CCSER1: variants seen among roughly 807,000 people sequenced by gnomAD.
CCSER1 encodes the protein coiled-coil serine rich protein 1.
Under a neutral mutation model 82.0 loss-of-function variants are expected in CCSER1, and 41 were observed. That is an observed-to-expected ratio of 0.50 (90% confidence interval 0.39 to 0.65). The LOEUF (loss-of-function observed/expected upper bound fraction) is 0.65, where lower values mean the gene tolerates loss of function less well. CCSER1 is among the 30% of genes least tolerant of loss of function. The probability of loss-of-function intolerance (pLI) is 0.00; values close to 1 mark genes in which losing one functional copy is unlikely to be tolerated. For synonymous variants in CCSER1, 414 were observed against 383.9 expected (o/e 1.08, Z -0.92); for missense variants, 1,119 against 1,064.2 (o/e 1.05, Z -0.72).
intron 5 of CCSER1, among the ~76,000 whole-genome samples, chr4:90,536,583 C>T (rs536189309): frequency 3.0e-4 from 45 of 152,312 alleles, no homozygotes; most frequent in African/African-American, 1.0e-3. Context: ...TGGAGTCAGT[C>T]TGTACCTTGA....
At chr4:90,457,532 G>A (rs75005430) in intron 4 of CCSER1, among the ~76,000 whole-genome samples, 319 of 152,274 alleles carry the variant, frequency 2.1e-3, no homozygotes, top group African/African-American at 7.4e-3. Flanking sequence ...GAAGTGGGTA[G>A]CTTCTTTCAA....
At chr4:91,157,775 A>G (rs943756643) in intron 10 of CCSER1, among the ~76,000 whole-genome samples, 7 of 152,022 alleles carry the variant, frequency 4.6e-5, no homozygotes, top group Admixed American at 4.6e-4. Flanking sequence ...TCCCCCTGGC[A>G]TATTAATGTT....
intron 10 of CCSER1, among the ~76,000 whole-genome samples, chr4:91,133,539 G>A (rs1448526248): frequency 1.3e-5 from 2 of 152,120 alleles, no homozygotes; most frequent in Non-Finnish European, 2.9e-5. Context: ...TGGACTTAGA[G>A]GCATTGGTAT....
chr4:90,822,653 G>A (rs940256362), intron 8 of CCSER1, among the ~76,000 whole-genome samples: 1 of 150,710 alleles, frequency 6.6e-6, no homozygotes, highest in East Asian at 2.0e-4. Flanking sequence ...GTTTGAACCT[G>A]GGAGGCGGAG....
At chr4:90,622,776 A>C (rs1377378970) in intron 5 of CCSER1, among the ~76,000 whole-genome samples, 1 of 152,116 alleles carries the variant, frequency 6.6e-6, no homozygotes, top group African/African-American at 2.4e-5. Flanking sequence ...CTTTGGGTAT[A>C]TACCCAGTAA....
intron 7 of CCSER1, among the ~76,000 whole-genome samples, chr4:90,766,032 T>A (rs1487692718): frequency 1.3e-5 from 2 of 151,680 alleles, no homozygotes; most frequent in East Asian, 3.9e-4. Context: ...TTAAAGGCAT[T>A]GTAGGAAAAA....
At chr4:90,276,691 A>G (rs541585844) in intron 1 of CCSER1, among the ~76,000 whole-genome samples, 47 of 152,250 alleles carry the variant, frequency 3.1e-4, no homozygotes, top group Admixed American at 1.2e-3. Flanking sequence ...TCTTTCATAA[A>G]TTCAGAACTG....
intron 8 of CCSER1, among the ~76,000 whole-genome samples, chr4:90,896,645 C>A (rs549731933): frequency 6.6e-6 from 1 of 151,844 alleles, no homozygotes; most frequent in South Asian, 2.1e-4. Context: ...CTAATCTAGC[C>A]AATATTTTTA....
intron 5 of CCSER1, among the ~76,000 whole-genome samples, chr4:90,602,884 G>A (rs930087889): frequency 1.4e-4 from 21 of 152,204 alleles, no homozygotes; most frequent in African/African-American, 4.8e-4. Flanking sequence ...TTATTACCCC[G>A]ATCAGGAAAC....
chr4:90,482,348 G>A (rs959972984), intron 5 of CCSER1, among the ~76,000 whole-genome samples: 28 of 151,690 alleles, frequency 1.8e-4, no homozygotes, highest in Non-Finnish European at 1.2e-4. Flanking sequence ...ATTTTTTGAA[G>A]GGCTTTTTGT....
chr4:91,489,713 AG>A (rs1758410105), intron 10 of CCSER1, among the ~76,000 whole-genome samples: 1 of 152,044 alleles, frequency 6.6e-6, no homozygotes, highest in Non-Finnish European at 1.5e-5. Context: ...ACTTGAACCC[AG>A]GAGGCAGAGG....
intron 10 of CCSER1, among the ~76,000 whole-genome samples, chr4:91,366,577 TTC>T (rs1466587479): frequency 7.2e-5 from 11 of 152,262 alleles, no homozygotes; most frequent in Admixed American, 5.2e-4. Context: ...TGTCTCTTAA[TTC>T]TCTTTCAGTA....
intron 1 of CCSER1, among the ~76,000 whole-genome samples, chr4:90,153,395 A>C (rs867103523): frequency 2.0e-4 from 31 of 152,232 alleles, no homozygotes; most frequent in African/African-American, 4.3e-4. Flanking sequence ...CTTTGGGTAT[A>C]TACCCAGTAA....
chr4:90,305,345 G>T (rs1165224456), intron 1 of CCSER1, among the ~76,000 whole-genome samples: 1 of 152,180 alleles, frequency 6.6e-6, no homozygotes, highest in African/African-American at 2.4e-5. Context: ...ATTGAAGTCT[G>T]TAGGTTCACA....
intron 6 of CCSER1, among the ~76,000 whole-genome samples, chr4:90,656,839 A>G (rs1201148870): frequency 6.6e-6 from 1 of 152,008 alleles, no homozygotes; most frequent in East Asian, 1.9e-4. Flanking sequence ...TAGAGATATC[A>G]ATGTATATCT....
intron 10 of CCSER1, among the ~76,000 whole-genome samples, chr4:91,379,741 A>G (rs971471933): frequency 8.5e-5 from 13 of 152,210 alleles, no homozygotes; most frequent in Non-Finnish European, 1.5e-4. Flanking sequence ...TTGTGTCTCT[A>G]TCTCCTTCAG....
chr4:90,970,374 T>A (rs1734986300), intron 9 of CCSER1, among the ~76,000 whole-genome samples: 1 of 151,636 alleles, frequency 6.6e-6, no homozygotes, highest in African/African-American at 2.4e-5. Context: ...CATTATATAA[T>A]GAGAAAAGGT....
At chr4:91,023,748 G>T (rs916699285) in intron 9 of CCSER1, among the ~76,000 whole-genome samples, 1 of 152,142 alleles carries the variant, frequency 6.6e-6, no homozygotes, top group Admixed American at 6.5e-5. Flanking sequence ...ATAGGCATGG[G>T]CAAGGACTTC....
At chr4:91,119,502 A>T (rs1314054008) in intron 10 of CCSER1, among the ~76,000 whole-genome samples, 1 of 152,002 alleles carries the variant, frequency 6.6e-6, no homozygotes, top group Non-Finnish European at 1.5e-5. Context: ...TATTTCTTTG[A>T]GATGTTAAAA....
Sources: allele counts gnomAD v4.1 joint callset (sites outside exome capture counted in the v4.1 genomes callset), GRCh38; gene constraint gnomAD v4.1.1; transcripts MANE v1.5; gene names NCBI Gene and HGNC (gene_info 2026-07-23, HGNC 2026-07-21).